The following ABCC9 variants were observed in gnomAD, a reference collection of about 807,000 sequenced individuals.
The protein encoded by ABCC9 is ATP binding cassette subfamily C member 9.
Under a neutral mutation model 188.3 loss-of-function variants are expected in ABCC9, and 95 were observed. That is an observed-to-expected ratio of 0.50 (90% CI 0.43 to 0.60). The LOEUF (loss-of-function observed/expected upper bound fraction) is 0.60. ABCC9 is among the 20% of genes least tolerant of loss of function. The pLI is 0.00. For synonymous variants in ABCC9, 659 were observed against 652.7 expected, an observed-to-expected ratio of 1.01 and a Z score of -0.15; for missense variants, 1,102 against 1,876.3, an observed-to-expected ratio of 0.59 and a Z score of 7.62.
At chr12:21,891,275 A>G (rs1947148522) in intron 14 of ABCC9, among the ~76,000 whole-genome samples, 1 of 152,194 alleles carries the variant, frequency 6.6e-6, no homozygotes, top group Non-Finnish European at 1.5e-5. Flanking sequence ...TGGTGGTAAG[A>G]CGGTGAAATG....
chr12:21,852,626 T>TA, intron 22 of ABCC9, 121 bp from the exon 23 acceptor site: 2 of 1,222,894 alleles, frequency 1.6e-6, no homozygotes, highest in Non-Finnish European at 2.3e-6. Flanking sequence ...CTAATTTATT[T>TA]AAAAAAAGGA....
At chr12:21,847,791 ATTAC>A (rs1307968874) in intron 25 of ABCC9, among the ~76,000 whole-genome samples, 1 of 152,128 alleles carries the variant, frequency 6.6e-6, no homozygotes, top group African/African-American at 2.4e-5. Context: ...TTTCCCCTTT[ATTAC>A]TTATTTCTGA....
chr12:21,887,107 G>A (rs1352909), intron 15 of ABCC9, among the ~76,000 whole-genome samples: 104,647 of 149,374 alleles, frequency 0.7, 37,532 homozygotes, highest in Non-Finnish European at 0.81. Flanking sequence ...ACAACCCTAA[G>A]TCTTGGCACA....
intron 3 of ABCC9, among the ~76,000 whole-genome samples, chr12:21,936,048 C>T (rs1949475609): frequency 1.3e-5 from 2 of 152,138 alleles, no homozygotes; most frequent in Non-Finnish European, 2.9e-5. Context: ...CCAGACATGT[C>T]ACTCACTATC....
Position 21,800,867 on chromosome 12 carries a change from T to C in ABCC9, c.*177A>G, listed in dbSNP as rs1325568194. 5.8e-6 allele frequency: 4 copies of C among 686,324 alleles called. No homozygotes were observed. The highest frequency in any genetic ancestry group is 3.6e-5 in the African/African-American group (2 of 55,548). 42.5% of individuals were successfully genotyped at this position (686,324 alleles called of 1,614,324 possible). Reference sequence around the variant, plus strand: ...ACTATAAAAACATCAATAATGAACATATTAAGCAATAATATCTTGAAAAAC... The same window carrying C: ...ACTATAAAAACATCAATAATGAACACATTAAGCAATAATATCTTGAAAAAC... On this transcript the variant is annotated 3_prime_UTR_variant, in exon 40 of 40. Coordinates refer to ENST00000261200, the MANE Select transcript of ABCC9 (RefSeq NM_020297.4).
At chr12:21,936,954 A>G (rs1179571350) in intron 2 of ABCC9, among the ~76,000 whole-genome samples, 1 of 152,148 alleles carries the variant, frequency 6.6e-6, no homozygotes, top group African/African-American at 2.4e-5. Context: ...ATATCTACCT[A>G]TAGTAGTACC....
At chr12:21,901,062 G>A (rs1321828120) in intron 12 of ABCC9, among the ~76,000 whole-genome samples, 2 of 151,370 alleles carry the variant, frequency 1.3e-5, no homozygotes, top group East Asian at 1.9e-4. Flanking sequence ...GAGAAAGGTC[G>A]GGTTACCCAC....
intron 7 of ABCC9, 94 bp downstream of exon 7, chr12:21,915,574 C>T: frequency 7.2e-7 from 1 of 1,380,756 alleles, no homozygotes. Context: ...GTGCAGTGGC[C>T]CAATCCTGGC....
At chr12:21,814,110 T>C (rs1414207524) in intron 35 of ABCC9, among the ~76,000 whole-genome samples, 1 of 152,184 alleles carries the variant, frequency 6.6e-6, no homozygotes, top group Admixed American at 6.5e-5. Flanking sequence ...GATGAATGTG[T>C]ATGTTTTGTG....
At chr12:21,821,265 A>G (rs1420429870) in intron 31 of ABCC9, among the ~76,000 whole-genome samples, 2 of 152,142 alleles carry the variant, frequency 1.3e-5, no homozygotes, top group Admixed American at 6.5e-5. Context: ...GAGTTTTATA[A>G]TCTTTTAACT....
At chr12:21,903,250 T>C (rs941264532) in intron 12 of ABCC9, among the ~76,000 whole-genome samples, 8 of 152,150 alleles carry the variant, frequency 5.3e-5, no homozygotes, top group African/African-American at 1.4e-4. Flanking sequence ...CTAAAAAATC[T>C]CAATAAATTG....
intron 31 of ABCC9, among the ~76,000 whole-genome samples, chr12:21,826,682 G>A (rs1423818219): frequency 1.3e-5 from 2 of 152,104 alleles, no homozygotes; most frequent in Non-Finnish European, 1.5e-5. Flanking sequence ...GCATGTGTGC[G>A]TGTGTACACG....
chr12:21,930,872 T>C (rs1949255229), intron 4 of ABCC9, among the ~76,000 whole-genome samples: 1 of 152,122 alleles, frequency 6.6e-6, no homozygotes, highest in African/African-American at 2.4e-5. Flanking sequence ...CTGTGGGGTT[T>C]TGATAGCAGG....
chr12:21,837,452 AT>A (rs1240698473), intron 30 of ABCC9, among the ~76,000 whole-genome samples: 20 of 152,124 alleles, frequency 1.3e-4, no homozygotes. Flanking sequence ...TAAAATATCA[AT>A]TTTCTAGATT....
intron 14 of ABCC9, among the ~76,000 whole-genome samples, chr12:21,892,545 A>G (rs1947211802): frequency 6.6e-6 from 1 of 152,192 alleles, no homozygotes. Flanking sequence ...AAAAGTAGTC[A>G]GTGATCCGGA....
intron 7 of ABCC9, among the ~76,000 whole-genome samples, chr12:21,915,251 GTGTGTGTGTGTA>G (rs1948493443): frequency 1.4e-5 from 1 of 73,462 alleles, no homozygotes; most frequent in African/African-American, 4.6e-5. Flanking sequence ...GTGTGTGTGT[GTGTGTGTGTGTA>G]TATAATGTGT....
At chr12:21,871,001 A>G (rs556013922) in intron 18 of ABCC9, among the ~76,000 whole-genome samples, 1 of 152,332 alleles carries the variant, frequency 6.6e-6, no homozygotes, top group African/African-American at 2.4e-5. Flanking sequence ...GTTAAATTAC[A>G]CTTGGAACAG....
chr12:21,923,130 A>G (rs1181394060), intron 5 of ABCC9: 6 of 150,848 alleles, frequency 4.0e-5, no homozygotes, highest in Admixed American at 3.3e-4. Flanking sequence ...CCATATACAC[A>G]ATTAATTTAG....
At chr12:21,859,713 T>A in intron 21 of ABCC9, 47 bp from the exon 22 acceptor site, 2 of 1,501,420 alleles carry the variant, frequency 1.3e-6, no homozygotes, top group Non-Finnish European at 1.9e-6. Context: ...TATTAGTAAA[T>A]GATCTTTTGG....
Sources: allele counts gnomAD v4.1 joint callset (sites outside exome capture counted in the v4.1 genomes callset), GRCh38; gene constraint gnomAD v4.1.1; transcripts MANE v1.5; gene names NCBI Gene and HGNC (gene_info 2026-07-23, HGNC 2026-07-21).